Variants in SARDH observed in about 807,000 individuals in gnomAD.
The protein encoded by SARDH is sarcosine dehydrogenase.
In SARDH, 95 loss-of-function variants were observed where a neutral mutation model predicts 109.1. The observed-to-expected ratio is 0.87, with a 90% CI of 0.74 to 1.03. The LOEUF is 1.03. Among genes scored for constraint, SARDH ranks in the 50% least tolerant of loss-of-function variants. The pLI is 0.00. For synonymous variants in SARDH, 572 were observed against 534.8 expected, an observed-to-expected ratio of 1.07 and a Z score of -0.96; for missense variants, 1,267 against 1,287.8, an observed-to-expected ratio of 0.98 and a Z score of 0.25.
chr9:133,721,664 T>C (rs192973897), intron 6 of SARDH, among the ~76,000 whole-genome samples: 1 of 152,334 alleles, frequency 6.6e-6, no homozygotes, highest in Admixed American at 6.5e-5. Flanking sequence ...GTTTATCTGA[T>C]GTGTGTGCGT....
chr9:133,698,750 T>C (rs1831376410), intron 13 of SARDH, among the ~76,000 whole-genome samples: 1 of 152,148 alleles, frequency 6.6e-6, no homozygotes, highest in Admixed American at 6.5e-5. Context: ...GGACCCGACC[T>C]CACGCCATGC....
In SARDH at chr9:133,712,742, GC is replaced by G. The variant is rs777399641; in HGVS notation, c.1238-34del. On this transcript the variant is annotated intron_variant, in intron 9 of 20. Transcript: ENST00000439388. The surrounding 1 kb of genome is among the most constrained non-coding windows in gnomAD (Gnocchi z 4.1). ...GAAGAGAAGCGCAGGGCTGCGGTCT[GC>G]CCCCCAGGGTCCCCCACCCATGTCC... 1.9e-6 allele frequency: 3 copies of G among 1,589,214 alleles called. No individual in the cohort carries two copies. The highest frequency in any genetic ancestry group is 2.2e-5 in the East Asian group (1 of 44,780).
At chr9:133,669,319 CCCTCCCTCTCCCTCGT>C (rs1456084745) in intron 19 of SARDH, among the ~76,000 whole-genome samples, 11 of 82,094 alleles carry the variant, frequency 1.3e-4, no homozygotes, top group Non-Finnish European at 2.2e-4. Flanking sequence ...TCCTCCCTCA[CCCTCCCTCTCCCTCGT>C]CCTCCCTCTC....
At chr9:133,733,748 T>C in intron 2 of SARDH, 95 bp downstream of exon 2, 2 of 1,226,570 alleles carry the variant, frequency 1.6e-6, no homozygotes, top group Non-Finnish European at 2.1e-6. Flanking sequence ...CCCAGGCTGG[T>C]TGTTGTGAAC....
chr9:133,681,162 C>T (rs1830682072), intron 17 of SARDH, among the ~76,000 whole-genome samples: 1 of 152,174 alleles, frequency 6.6e-6, no homozygotes, highest in Non-Finnish European at 1.5e-5. Context: ...CCTGGTCCTG[C>T]CACGGGGGCT....
chr9:133,674,647 A>G (rs1328061983), intron 17 of SARDH, among the ~76,000 whole-genome samples: 1 of 152,234 alleles, frequency 6.6e-6, no homozygotes, highest in Non-Finnish European at 1.5e-5. Flanking sequence ...ATGGGGAAAG[A>G]GTCTCCAACA....
Position 133,685,181 on chromosome 9 carries a change from G to T in SARDH, c.2163+12C>A, listed in dbSNP as rs1830840885. The T allele has an allele frequency of 2.5e-6, 4 of 1,612,368 alleles. No individual in the cohort carries two copies. Among genetic ancestry groups the T allele is most frequent in the Non-Finnish European group, 3.4e-6 (4 of 1,178,964 alleles). ...ACCCACGACCCAGAGGACGTGGCCA[G>T]CTGGAACCTACCAGGTGCCCTGCGG... On this transcript the variant is annotated intron_variant, in intron 17 of 20. Transcript: ENST00000439388.
chr9:133,663,918 T>C lies in SARDH; in HGVS notation c.2728A>G (p.Asn910Asp), dbSNP rs769125030. Residue 910 changes from asparagine (N) to aspartate (D), a missense_variant, in exon 21 of 21, where the codon AAC (asparagine) becomes GAC (aspartate). Transcript: ENST00000439388. ...QAHLKSPFDP[N>D]NKRVKGIY is the part of the protein sequence containing the mutation. ...TAGATTCCCTTCACCCTCTTGTTGT[T>C]GGGGTCGAAGGGCGACTTCAGGTGA... The C allele has an allele frequency of 3.7e-6, 6 of 1,613,972 alleles. No homozygotes were observed. Among genetic ancestry groups the C allele is most frequent in the Non-Finnish European group, 5.1e-6 (6 of 1,180,014 alleles).
chr9:133,688,282 G>A (rs534036763), intron 16 of SARDH, among the ~76,000 whole-genome samples: 5 of 152,100 alleles, frequency 3.3e-5, no homozygotes, highest in Non-Finnish European at 5.9e-5. Context: ...CGGCAGCTGC[G>A]GCCAGCACCC....
chr9:133,660,240 C>T (rs34770100), downstream of SARDH, among the ~76,000 whole-genome samples: 892 of 152,204 alleles, frequency 5.9e-3, 8 homozygotes, highest in Middle Eastern at 0.014. Flanking sequence ...TATGCACAGC[C>T]GTGGCAATCT....
At position 133,690,361 on chromosome 9, in the gene SARDH, G is replaced by C. The variant is rs199793989; in HGVS notation, c.2069+19C>G. On this transcript the variant is annotated intron_variant, in intron 16 of 20. Transcript: ENST00000439388. ...AGGCAGCAGGTGCACCCAGGGGCGG[G>C]CTCCCAGTCCTCTCTCACCTGGCTG... is the stretch of plus-strand genomic sequence containing the variant. 42 of 1,597,910 alleles carry C rather than the reference G, an allele frequency of 2.6e-5. No individual in the cohort carries two copies. The East Asian group carries it at 3.2e-4, about 12-fold the overall frequency.
chr9:133,717,304 C>T, intron 8 of SARDH, 22 bp downstream of exon 8: 1 of 1,613,438 alleles, frequency 6.2e-7, no homozygotes, highest in Non-Finnish European at 8.5e-7. Flanking sequence ...ACGCCCACCC[C>T]AGCTCCGAGG....
chr9:133,696,046 T>A (rs1831275012), intron 14 of SARDH, among the ~76,000 whole-genome samples, 177 bp downstream of exon 14: 1 of 119,632 alleles, frequency 8.4e-6, no homozygotes, highest in Non-Finnish European at 1.7e-5. Context: ...AATGAGGGCC[T>A]GGGGCCTGGG....
At chr9:133,664,182 T>TGC in intron 20 of SARDH, among the ~76,000 whole-genome samples, 168 bp from the exon 21 acceptor site, 1 of 152,308 alleles carries the variant, frequency 6.6e-6, no homozygotes, top group South Asian at 2.1e-4. Flanking sequence ...CCAGAGCAGG[T>TGC]GCAGTTCGTG....
At chr9:133,683,649 TGGAGAGG>T (rs2131365462) in intron 17 of SARDH, among the ~76,000 whole-genome samples, 1 of 152,068 alleles carries the variant, frequency 6.6e-6, no homozygotes, top group East Asian at 1.9e-4. Flanking sequence ...GTGCAGCCTC[TGGAGAGG>T]GGAGGTGAGA....
Position 133,729,876 on chromosome 9 carries a change from A to C in SARDH, c.815-11T>G. The stretch of plus-strand genomic sequence containing the variant: ...CACTTGCCCACACTCCTGCGGGCAG[A>C]GCACAGACAGCTCAGCTCTGCTGAC... On this transcript the variant is annotated splice_polypyrimidine_tract_variant and intron_variant, in intron 5 of 20. Transcript: ENST00000439388. 1.2e-6 allele frequency: 2 copies of C among 1,610,846 alleles called. No homozygotes were observed. The highest frequency in any genetic ancestry group is 1.7e-6 in the Non-Finnish European group (2 of 1,179,642).
chr9:133,736,791 C>A (rs1364316259), intron 1 of SARDH, among the ~76,000 whole-genome samples: 1 of 152,190 alleles, frequency 6.6e-6, no homozygotes, highest in Non-Finnish European at 1.5e-5. Context: ...ACCTCCACTG[C>A]CCTTTTCTGG....
chr9:133,737,377 T>G (rs1040140323), intron 1 of SARDH, among the ~76,000 whole-genome samples: 2 of 152,226 alleles, frequency 1.3e-5, no homozygotes, highest in Admixed American at 1.3e-4. Flanking sequence ...GCCTGGCTCC[T>G]GCCTGCAGAG....
intron 15 of SARDH, 78 bp downstream of exon 15, chr9:133,694,180 C>T: frequency 1.9e-6 from 2 of 1,078,028 alleles, no homozygotes; most frequent in Non-Finnish European, 2.7e-6. Flanking sequence ...CCATCCCGTC[C>T]ATCCTGCCCT....
Sources: gnomAD v4.1 joint callset for allele counts (sites outside exome capture counted in the v4.1 genomes callset) on GRCh38, gnomAD v4.1.1 for gene constraint, Gnocchi (gnomAD v3.1) non-coding constraint, MANE v1.5 for transcripts, NCBI Gene and HGNC (gene_info 2026-07-23, HGNC 2026-07-21) for gene names.